Variants in HIVEP1 observed in about 807,000 individuals in gnomAD.
HIVEP1 encodes HIVEP zinc finger 1.
In HIVEP1, 36 loss-of-function variants were observed where a neutral mutation model predicts 180.0. The ratio of observed to expected loss-of-function variants is 0.20; its 90% CI spans 0.15 to 0.26. HIVEP1 has a LOEUF of 0.26. HIVEP1 is among the 10% of genes least tolerant of loss of function. The pLI is 1.00. For missense variants in HIVEP1, 3,143 were observed against 3,268.7 expected (o/e 0.96, Z 0.94); for synonymous variants, 1,239 against 1,239.0 (o/e 1.00, Z 0.00).
the HIVEP1 span, among the ~76,000 whole-genome samples, chr6:12,186,931 A>T: frequency 6.6e-6 from 1 of 152,162 alleles, no homozygotes; most frequent in African/African-American, 2.4e-5. Flanking sequence ...AGAAATCAAA[A>T]CTATATAAAT....
At chr6:12,158,824 T>C (rs957979751) in intron 7 of HIVEP1, among the ~76,000 whole-genome samples, 8 of 152,196 alleles carry the variant, frequency 5.3e-5, no homozygotes, top group African/African-American at 1.7e-4. Context: ...TCTTTTGTTT[T>C]CCTGGTGGAG....
At chr6:12,059,849 C>G (rs1409015675) in intron 2 of HIVEP1, among the ~76,000 whole-genome samples, 1 of 152,126 alleles carries the variant, frequency 6.6e-6, no homozygotes, top group Non-Finnish European at 1.5e-5. Flanking sequence ...GTACGTAGCA[C>G]ATTGGTAGAT....
upstream of HIVEP1, among the ~76,000 whole-genome samples, chr6:12,011,539 G>T (rs1767304223): frequency 6.9e-6 from 1 of 144,116 alleles, no homozygotes; most frequent in Admixed American, 7.0e-5. Context: ...TCGCGACCCA[G>T]GGCTCCCGCC....
chr6:12,087,876 G>T (rs139786616), intron 2 of HIVEP1, among the ~76,000 whole-genome samples: 1 of 152,138 alleles, frequency 6.6e-6, no homozygotes, highest in African/African-American at 2.4e-5. Context: ...CTGATAATTC[G>T]CAGGAAGCAA....
intron 2 of HIVEP1, among the ~76,000 whole-genome samples, chr6:12,064,413 C>G (rs1771432255): frequency 6.6e-6 from 1 of 152,106 alleles, no homozygotes; most frequent in Non-Finnish European, 1.5e-5. Flanking sequence ...ACTTAATGAT[C>G]GTTTGTTAAC....
chr6:12,097,538 A>T (rs775014346), intron 3 of HIVEP1, among the ~76,000 whole-genome samples: 3 of 152,126 alleles, frequency 2.0e-5, no homozygotes, highest in Non-Finnish European at 4.4e-5. Flanking sequence ...TCCTTTTTTT[A>T]CTATTAAAAT....
Position 12,123,751 on chromosome 6 carries a change from C to T in HIVEP1, c.3956C>T (p.Ser1319Leu). 2.5e-6 allele frequency: 4 copies of T among 1,614,188 alleles called. No individual in the cohort carries two copies. The highest frequency in any genetic ancestry group is 2.5e-6 in the Non-Finnish European group (3 of 1,180,028). Residue 1319 changes from serine to leucine, a missense_variant, in exon 4 of 9, where the codon TCA becomes TTA. By Grantham distance (145) the Ser-to-Leu change is moderately radical. Transcript: ENST00000379388. ...ESSLSHTSSFSASLDIEDVSK... is the reference protein window; with the variant it reads ...ESSLSHTSSFLASLDIEDVSK... ...AGTTTATCTCACACTTCAAGTTTCT[C>T]AGCCTCTTTAGACATAGAGGACGTT...
chr6:12,024,941 A>T lies in HIVEP1; in HGVS notation c.40+9273A>T, dbSNP rs373983214. Among the ~76,000 whole-genome samples the T allele has an allele frequency of 7.9e-4, 120 of 152,280 alleles. 1 individual carries two copies. In the South Asian group the frequency reaches 0.016, roughly 20 times the overall value. On this transcript the variant is annotated intron_variant, in intron 2 of 8. Transcript: ENST00000379388. ...ATGGGAAGGCCCAGTGGCAAGAGGG[A>T]GGTGGTTTTATATAGGTCTTACGAT...
intron 3 of HIVEP1, among the ~76,000 whole-genome samples, chr6:12,108,597 G>A (rs1774639618): frequency 6.6e-6 from 1 of 152,250 alleles, no homozygotes; most frequent in Non-Finnish European, 1.5e-5. Context: ...GCACTGCTGG[G>A]GGACCCAGTA....
chr6:12,157,816 G>A lies in HIVEP1; in HGVS notation c.6488-3623G>A, dbSNP rs191335495. 9.9e-5 allele frequency among the ~76,000 whole-genome samples: 15 copies of A among 152,154 alleles called. No individual in the cohort carries two copies. In the East Asian group the frequency reaches 2.7e-3, roughly 27 times the overall value. The stretch of plus-strand genomic sequence containing the variant: ...TATTGTCCACTAGGTCAAGCAGCTG[G>A]CAATGAATCCCCTCAGTTTTTGTTT... On this transcript the variant is annotated intron_variant, in intron 7 of 8. Transcript: ENST00000379388.
upstream of HIVEP1, among the ~76,000 whole-genome samples, chr6:12,011,085 T>A (rs1767253477): frequency 6.6e-6 from 1 of 152,224 alleles, no homozygotes; most frequent in Non-Finnish European, 1.5e-5. Flanking sequence ...TCCTCGCTCT[T>A]TTAATAGAAC....
intron 2 of HIVEP1, among the ~76,000 whole-genome samples, chr6:12,066,759 T>C (rs759240067): frequency 6.6e-6 from 1 of 152,172 alleles, no homozygotes; most frequent in African/African-American, 2.4e-5. Flanking sequence ...CCCAATATTA[T>C]CATTGTCTTC....
intron 2 of HIVEP1, among the ~76,000 whole-genome samples, chr6:12,044,408 G>A (rs1769979800): frequency 6.6e-6 from 1 of 152,178 alleles, no homozygotes; most frequent in Non-Finnish European, 1.5e-5. Context: ...GCACCAAAGG[G>A]TACCTTGGGA....
At chr6:12,137,064 A>G (rs1758745483) in intron 7 of HIVEP1, among the ~76,000 whole-genome samples, 1 of 152,212 alleles carries the variant, frequency 6.6e-6, no homozygotes, top group Admixed American at 6.5e-5. Context: ...TCCCTGTAAC[A>G]CACGAAATGA....
chr6:12,106,081 C>T (rs981908577), intron 3 of HIVEP1, among the ~76,000 whole-genome samples: 1 of 151,678 alleles, frequency 6.6e-6, no homozygotes, highest in South Asian at 2.1e-4. Context: ...TATACACACA[C>T]ACATATATAC....
At chr6:12,023,029 G>A (rs1189327649) in intron 2 of HIVEP1, among the ~76,000 whole-genome samples, 1 of 152,174 alleles carries the variant, frequency 6.6e-6, no homozygotes, top group African/African-American at 2.4e-5. Context: ...GAGGGCTTCT[G>A]TTTTATTGTT....
intron 3 of HIVEP1, among the ~76,000 whole-genome samples, chr6:12,115,540 G>C (rs953119751): frequency 6.6e-6 from 1 of 151,778 alleles, no homozygotes; most frequent in African/African-American, 2.4e-5. Context: ...ATGAAGTCGT[G>C]TTTGGATTTT....
chr6:12,088,416 C>T (rs1773240942), intron 2 of HIVEP1, among the ~76,000 whole-genome samples: 1 of 152,010 alleles, frequency 6.6e-6, no homozygotes, highest in Non-Finnish European at 1.5e-5. Context: ...GATTACTGCC[C>T]ATGTCATGAA....
chr6:12,108,485 G>C (rs960069595), intron 3 of HIVEP1, among the ~76,000 whole-genome samples: 28 of 152,344 alleles, frequency 1.8e-4, no homozygotes, highest in East Asian at 1.2e-3. Context: ...GCCCACGGAG[G>C]GGGTGGGAGG....
Sources: allele counts gnomAD v4.1 joint callset (sites outside exome capture counted in the v4.1 genomes callset), GRCh38; gene constraint gnomAD v4.1.1; transcripts MANE v1.5; gene names NCBI Gene and HGNC (gene_info 2026-07-23, HGNC 2026-07-21).